The following FHAD1 variants were observed in gnomAD, a reference collection of about 807,000 sequenced individuals.
FHAD1 encodes the protein forkhead-associated domain-containing protein 1.
Under a neutral mutation model 191.3 loss-of-function variants are expected in FHAD1, and 146 were observed. That is an observed-to-expected ratio of 0.76 (90% CI 0.67 to 0.88). The LOEUF (loss-of-function observed/expected upper bound fraction) is 0.88. FHAD1 is among the 40% of genes least tolerant of loss of function. FHAD1 has a pLI of 0.00. For synonymous variants in FHAD1, 616 were observed against 672.3 expected, an observed-to-expected ratio of 0.92 and a Z score of 1.29; for missense variants, 1,635 against 1,785.8, an observed-to-expected ratio of 0.92 and a Z score of 1.52.
chr1:15,249,811 C>A (rs1195311226), intron 1 of FHAD1, among the ~76,000 whole-genome samples: 1 of 152,132 alleles, frequency 6.6e-6, no homozygotes, highest in African/African-American at 2.4e-5. Context: ...CATCCCATCC[C>A]CTCCCCACCC....
At chr1:15,378,487 T>A (rs2102949866) in intron 28 of FHAD1, among the ~76,000 whole-genome samples, 1 of 152,168 alleles carries the variant, frequency 6.6e-6, no homozygotes, top group East Asian at 1.9e-4. Context: ...TAGGTCACCC[T>A]CCCTCCGGAC....
chr1:15,304,517 TTC>T (rs913027124), intron 6 of FHAD1, among the ~76,000 whole-genome samples: 7 of 152,162 alleles, frequency 4.6e-5, no homozygotes, highest in African/African-American at 1.7e-4. Flanking sequence ...TTCTGGAAGT[TTC>T]TCTCTGTGTT....
At chr1:15,254,537 G>A (rs986715889) in intron 2 of FHAD1, among the ~76,000 whole-genome samples, 2 of 152,266 alleles carry the variant, frequency 1.3e-5, no homozygotes, top group Non-Finnish European at 2.9e-5. Flanking sequence ...ATACTAACAA[G>A]CTATTTGGAA....
At chr1:15,302,323 A>G (rs1669070264) in intron 6 of FHAD1, among the ~76,000 whole-genome samples, 1 of 152,226 alleles carries the variant, frequency 6.6e-6, no homozygotes, top group East Asian at 1.9e-4. Context: ...TGGTTCACTT[A>G]TAGGGAATTT....
chr1:15,361,742 C>G lies in FHAD1; in HGVS notation c.2963-900C>G, dbSNP rs1327348055. On this transcript the variant is annotated intron_variant, in intron 22 of 33. Coordinates refer to ENST00000688493, the MANE Select transcript of FHAD1 (RefSeq NM_001391957.1). ...TGAGCTGGGGGCCAGGTCAGTGGCT[C>G]ACGCCTGTAATCCCAGCACTTCCGG... Among the ~76,000 whole-genome samples, 12 of 151,850 alleles carry G rather than the reference C, an allele frequency of 7.9e-5. No individual in the cohort carries two copies. In the South Asian group the frequency reaches 1.9e-3, roughly 24 times the overall value.
At chr1:15,341,367 G>A (rs1686617218) in intron 15 of FHAD1, among the ~76,000 whole-genome samples, 1 of 152,162 alleles carries the variant, frequency 6.6e-6, no homozygotes, top group South Asian at 2.1e-4. Context: ...CAAGCGTCCT[G>A]GCTCCTACAT....
At chr1:15,386,244 G>A (rs994278429) in intron 31 of FHAD1, among the ~76,000 whole-genome samples, 2 of 152,244 alleles carry the variant, frequency 1.3e-5, no homozygotes, top group African/African-American at 4.8e-5. Context: ...GTTACTGTGG[G>A]GAAGAGAAAA....
chr1:15,292,460 A>G (rs1665159036), intron 4 of FHAD1, among the ~76,000 whole-genome samples: 1 of 152,126 alleles, frequency 6.6e-6, no homozygotes, highest in African/African-American at 2.4e-5. Flanking sequence ...CAGCCTCCCG[A>G]GTAGCTGGGA....
In FHAD1 at chr1:15,381,174, A is replaced by G; in HGVS notation, c.3802-57A>G. 1.7e-6 allele frequency: 2 copies of G among 1,202,562 alleles called. No individual in the cohort carries two copies. Among genetic ancestry groups the G allele is most frequent in the Non-Finnish European group, 2.4e-6 (2 of 836,908 alleles). 74.5% of individuals were successfully genotyped at this position (1,202,562 alleles called of 1,614,324 possible). ...ACAGAATTAGACATTGGCCTCCTTA[A>G]AGCGGCCACCAGCGGCCGCGGGTAA... On this transcript the variant is annotated intron_variant, in intron 29 of 33. Transcript: ENST00000688493. The surrounding 1 kb of genome is among the most constrained non-coding windows in gnomAD (Gnocchi z 4.6).
In FHAD1 at chr1:15,316,722, G is replaced by A. The variant is rs477590; in HGVS notation, c.1260+255G>A. Among the ~76,000 whole-genome samples the A allele has an allele frequency of 0.58, 88,038 of 152,036 alleles. 27,708 individuals carry two copies. Among genetic ancestry groups the A allele is most frequent in the South Asian group, 0.76 (3,644 of 4,826 alleles). ...CTGGGGCCAGGTTGGGGTTGAGACC[G>A]GGGACAGGGACAGGAGGCTGGCCAG... is the stretch of plus-strand genomic sequence containing the variant. On this transcript the variant is annotated intron_variant, in intron 9 of 33. Coordinates refer to ENST00000688493, the MANE Select transcript of FHAD1 (RefSeq NM_001391957.1). The surrounding 1 kb of genome is among the most constrained non-coding windows in gnomAD (Gnocchi z 4.3).
intron 31 of FHAD1, chr1:15,384,233 T>C (rs6689019): frequency 0.11 from 18,078 of 159,612 alleles, 2,567 homozygotes; most frequent in African/African-American, 0.34. Flanking sequence ...AAGGCAGCGC[T>C]CTGCTCTGGA....
intron 2 of FHAD1, among the ~76,000 whole-genome samples, chr1:15,266,990 G>T (rs1288245898): frequency 3.1e-5 from 3 of 97,212 alleles, no homozygotes; most frequent in East Asian, 5.6e-4. Context: ...GAACATTTTG[G>T]TTGCTTCCAG....
In FHAD1 at chr1:15,251,791, G is replaced by C. The variant is rs140973531; in HGVS notation, c.7G>C (p.Ala3Pro). The C allele has an allele frequency of 6.4e-7, 1 of 1,551,446 alleles. No homozygotes were observed. The highest frequency in any genetic ancestry group is 1.4e-5 in the African/African-American group (1 of 72,948). The part of the protein sequence containing the change: MK[A>P]YLKSAEGFFV... ...TGTAGGGAAAACAGAGAGGATGAAG[G>C]CCTATCTAAAGAGCGCAGAAGGCTT... Residue 3 changes from alanine to proline, a missense_variant, in exon 2 of 34, where the codon GCC becomes CCC. Ala to Pro is a conservative substitution (Grantham distance 27). Transcript: ENST00000688493.
At chr1:15,324,287 C>A (rs1677442637) in intron 10 of FHAD1, among the ~76,000 whole-genome samples, 165 bp from the exon 11 acceptor site, 1 of 152,036 alleles carries the variant, frequency 6.6e-6, no homozygotes, top group Non-Finnish European at 1.5e-5. Context: ...CAGTGCCCCC[C>A]TAGCCTGGCT....
intron 15 of FHAD1, among the ~76,000 whole-genome samples, chr1:15,340,800 T>C (rs1686295282): frequency 1.3e-5 from 2 of 152,172 alleles, no homozygotes; most frequent in Admixed American, 1.3e-4. Context: ...ACCATATTCA[T>C]ACCTCTTCCA....
intron 2 of FHAD1, among the ~76,000 whole-genome samples, chr1:15,270,188 G>A (rs1281837068): frequency 1.3e-5 from 2 of 152,178 alleles, no homozygotes; most frequent in Non-Finnish European, 2.9e-5. Context: ...TGGGATTACA[G>A]GCATGAGCCA....
intron 28 of FHAD1, among the ~76,000 whole-genome samples, chr1:15,376,961 A>C (rs189205680): frequency 6.6e-6 from 1 of 152,318 alleles, no homozygotes; most frequent in Non-Finnish European, 1.5e-5. Flanking sequence ...AGATCACTTG[A>C]GCTCAGGAGT....
At chr1:15,369,254 C>G (rs1007297928) in intron 25 of FHAD1, 116 bp from the exon 26 acceptor site, 67 of 1,217,238 alleles carry the variant, frequency 5.5e-5, no homozygotes, top group Non-Finnish European at 7.1e-5. Context: ...GGAAACAAGT[C>G]TCAAAAGAAT....
At chr1:15,296,065 G>A (rs947516678) in intron 4 of FHAD1, among the ~76,000 whole-genome samples, 4 of 152,134 alleles carry the variant, frequency 2.6e-5, no homozygotes, top group African/African-American at 9.7e-5. Flanking sequence ...TGACCTGCCC[G>A]AGAGATTAAA....
Sources: allele counts gnomAD v4.1 joint callset (sites outside exome capture counted in the v4.1 genomes callset), GRCh38; gene constraint gnomAD v4.1.1; non-coding constraint Gnocchi (gnomAD v3.1); transcripts MANE v1.5; gene names NCBI Gene and HGNC (gene_info 2026-07-23, HGNC 2026-07-21).